MYH11: variants seen among roughly 807,000 people sequenced by gnomAD.
MYH11 encodes the protein myosin-11.
In MYH11, 80 loss-of-function variants were observed where a neutral mutation model predicts 246.6. That is an observed-to-expected ratio of 0.32 (90% confidence interval 0.27 to 0.39). The LOEUF (loss-of-function observed/expected upper bound fraction) is 0.39. Ranked by LOEUF, MYH11 falls within the 10% of genes least tolerant of loss-of-function variation. The probability of loss-of-function intolerance (pLI) is 1.00; values close to 1 mark genes in which losing one functional copy is unlikely to be tolerated. For missense variants in MYH11, 2,158 were observed against 2,546.8 expected (o/e 0.85, Z 3.29); for synonymous variants, 1,071 against 1,015.5 (o/e 1.05, Z -1.04).
intron 3 of MYH11, among the ~76,000 whole-genome samples, chr16:15,800,697 A>G (rs1359450287): frequency 6.6e-6 from 1 of 150,460 alleles, no homozygotes; most frequent in African/African-American, 2.5e-5. Flanking sequence ...GAAAGAGATG[A>G]CTCTTTCTTC....
At chr16:15,832,154 C>T (rs1220128217) in intron 2 of MYH11, among the ~76,000 whole-genome samples, 1 of 152,080 alleles carries the variant, frequency 6.6e-6, no homozygotes, top group Non-Finnish European at 1.5e-5. Context: ...AAATTGTCAC[C>T]TGCTAAAGTT....
intron 27 of MYH11, among the ~76,000 whole-genome samples, chr16:15,729,597 C>G (rs1439595625): frequency 6.6e-6 from 1 of 150,498 alleles, no homozygotes; most frequent in Non-Finnish European, 1.5e-5. Flanking sequence ...GTTGCCCAGG[C>G]TGGGGTGCAG....
chr16:15,791,970 G>C (rs2042620631), intron 4 of MYH11: 1 of 152,096 alleles, frequency 6.6e-6, no homozygotes, highest in Admixed American at 6.6e-5. Context: ...CACCATGCCT[G>C]ACCTTTTATA....
chr16:15,854,433 C>A (rs982870352), intron 1 of MYH11, among the ~76,000 whole-genome samples: 1 of 152,174 alleles, frequency 6.6e-6, no homozygotes, highest in Non-Finnish European at 1.5e-5. Flanking sequence ...ATCTTCTTTT[C>A]CTTACTGGTT....
At chr16:15,784,438 A>G (rs1263727257) in intron 5 of MYH11, among the ~76,000 whole-genome samples, 3 of 152,056 alleles carry the variant, frequency 2.0e-5, no homozygotes, top group African/African-American at 7.2e-5. Flanking sequence ...AACCGGAGAA[A>G]TCCATTTCAG....
At position 15,761,392 on chromosome 16, in the gene MYH11, C is replaced by T. The variant is rs185061340; in HGVS notation, c.1130-734G>A. On this transcript the variant is annotated intron_variant, in intron 10 of 40. Transcript: ENST00000300036. Reference sequence around the variant, plus strand: ...CCTCCCTAAGTGCTGGGATTACAGGCGTGAGCCACTGGCCCTTGAGATTTA... The same window carrying T: ...CCTCCCTAAGTGCTGGGATTACAGGTGTGAGCCACTGGCCCTTGAGATTTA... Among the ~76,000 whole-genome samples, 8 of 152,248 alleles carry T rather than the reference C, an allele frequency of 5.3e-5. No homozygotes were observed. In the East Asian group the frequency reaches 9.6e-4, roughly 18 times the overall value.
chr16:15,738,279 G>A lies in MYH11; in HGVS notation c.3121+286C>T, dbSNP rs529741617. Among the ~76,000 whole-genome samples the A allele has an allele frequency of 1.2e-4, 18 of 152,172 alleles. No individual in the cohort carries two copies. The East Asian group carries it at 3.5e-3, about 30-fold the overall frequency. ...CCAGCACTTTGGGAGGCCAAGGTGG[G>A]AGGACTGCTTGGGCCCAGGAGTTTG... On this transcript the variant is annotated intron_variant, in intron 24 of 40. Transcript: ENST00000300036.
At chr16:15,715,636 C>T (rs1030199334) in intron 38 of MYH11, among the ~76,000 whole-genome samples, 3 of 151,718 alleles carry the variant, frequency 2.0e-5, no homozygotes, top group South Asian at 2.1e-4. Flanking sequence ...ATTTTTTTTG[C>T]GGGGAGGAGG....
intron 4 of MYH11, chr16:15,790,947 TTTC>T (rs1441614902): frequency 2.8e-5 from 4 of 142,500 alleles, no homozygotes; most frequent in Admixed American, 2.2e-4. Flanking sequence ...CTGCATTTTT[TTTC>T]TTTTCTTTTT....
At chr16:15,844,397 CA>C (rs2044135384) in intron 1 of MYH11, among the ~76,000 whole-genome samples, 1 of 152,258 alleles carries the variant, frequency 6.6e-6, no homozygotes, top group South Asian at 2.1e-4. Flanking sequence ...GGGGTTTCAC[CA>C]TATTGTCCAG....
chr16:15,708,655 G>A (rs545554756), intron 40 of MYH11: 65 of 837,452 alleles, frequency 7.8e-5, no homozygotes, highest in Non-Finnish European at 1.2e-4. Flanking sequence ...TGAAAGCTTT[G>A]CACAAAGATA....
At chr16:15,710,177 G>C (rs1017589076) in intron 40 of MYH11, among the ~76,000 whole-genome samples, 3 of 152,194 alleles carry the variant, frequency 2.0e-5, no homozygotes, top group South Asian at 4.1e-4. Flanking sequence ...TGCCCAAGAA[G>C]GCTCAAGTGT....
intron 4 of MYH11, 108 bp from the exon 5 acceptor site, chr16:15,786,840 T>C (rs2042481910): frequency 9.5e-7 from 1 of 1,051,264 alleles, no homozygotes; most frequent in Admixed American, 2.0e-5. Flanking sequence ...TCCCAGAGGG[T>C]GAAACAGAGG....
At chr16:15,801,532 A>G (rs1459349854) in intron 3 of MYH11, among the ~76,000 whole-genome samples, 2 of 151,854 alleles carry the variant, frequency 1.3e-5, no homozygotes, top group Non-Finnish European at 2.9e-5. Flanking sequence ...TGTGATAGAC[A>G]TACCCCTTGT....
intron 3 of MYH11, among the ~76,000 whole-genome samples, chr16:15,811,989 G>A (rs1567192769): frequency 6.6e-6 from 1 of 152,134 alleles, no homozygotes; most frequent in Non-Finnish European, 1.5e-5. Context: ...AGTGGTTCTT[G>A]TCTGGAGGGC....
intron 4 of MYH11, among the ~76,000 whole-genome samples, chr16:15,789,375 A>G (rs928593903): frequency 6.6e-6 from 1 of 152,116 alleles, no homozygotes; most frequent in African/African-American, 2.4e-5. Context: ...CTACCCAGCA[A>G]TCTAATGAGA....
At chr16:15,757,209 T>G (rs1448911083) in intron 13 of MYH11, among the ~76,000 whole-genome samples, 1 of 151,400 alleles carries the variant, frequency 6.6e-6, no homozygotes, top group Non-Finnish European at 1.5e-5. Context: ...CAGGCTGGAA[T>G]GCAGTGGCGC....
intron 5 of MYH11, chr16:15,784,897 G>T (rs562323971): frequency 2.4e-5 from 16 of 671,472 alleles, no homozygotes; most frequent in Admixed American, 7.1e-5. Context: ...GCAGGAATAC[G>T]ATCACAGCTC....
chr16:15,745,024 A>G (rs1264809965), intron 20 of MYH11, 105 bp downstream of exon 20: 1 of 876,910 alleles, frequency 1.1e-6, no homozygotes, highest in Non-Finnish European at 1.9e-6. Context: ...CGAGCCCTCC[A>G]TTCCACACCC....
Sources: allele counts gnomAD v4.1 joint callset (sites outside exome capture counted in the v4.1 genomes callset), GRCh38; gene constraint gnomAD v4.1.1; transcripts MANE v1.5; gene names NCBI Gene and HGNC (gene_info 2026-07-23, HGNC 2026-07-21).